NAT1: variants seen among roughly 807,000 people sequenced by gnomAD.
NAT1 encodes the protein N-acetyltransferase 1, also known as arylamine N-acetyltransferase 1.
For missense variants in NAT1, 400 were observed against 339.2 expected (o/e 1.18, Z -1.41); for synonymous variants, 144 against 122.6 (o/e 1.17, Z -1.16).
At chr8:18,201,773 A>G (rs1803474014) in intron 2 of NAT1, among the ~76,000 whole-genome samples, 1 of 152,138 alleles carries the variant, frequency 6.6e-6, no homozygotes, top group African/African-American at 2.4e-5. Flanking sequence ...CCTAGGATTC[A>G]GTGTGAAAAT....
rs780126469 is a variant in NAT1, at chr8:18,222,761, C to T, written c.714C>T (p.Thr238=). The T allele has an allele frequency of 1.9e-6, 3 of 1,613,726 alleles. No homozygotes were observed. Among genetic ancestry groups the T allele is most frequent in the Non-Finnish European group, 1.7e-6 (2 of 1,179,892 alleles). Residue 238 remains threonine, a synonymous_variant, in exon 3 of 3, where the codon ACC becomes ACT. Transcript: ENST00000307719. ...PDGVHCLVGF[T]LTHRRFNYKD... is the part of the protein sequence containing the mutation. ...GGGTTCACTGTTTGGTGGGCTTCAC[C>T]CTCACCCATAGGAGATTCAATTATA...
At chr8:18,213,585 C>T (rs1396373657) in intron 1 of NAT1, among the ~76,000 whole-genome samples, 13 of 152,104 alleles carry the variant, frequency 8.5e-5, no homozygotes, top group Non-Finnish European at 4.4e-5. Flanking sequence ...CTCACTCCTG[C>T]AAACATTTTA....
At chr8:18,178,718 G>C (rs17594166) in intron 2 of NAT1, among the ~76,000 whole-genome samples, 14,389 of 152,216 alleles carry the variant, frequency 0.095, 880 homozygotes, top group South Asian at 0.18. Context: ...AGAGAGGAAG[G>C]AGTAGATAAA....
chr8:18,181,762 T>C (rs1367127958), intron 2 of NAT1, among the ~76,000 whole-genome samples: 3 of 152,116 alleles, frequency 2.0e-5, no homozygotes, highest in African/African-American at 7.2e-5. Context: ...CCATATCCAG[T>C]TTGTTGAGAC....
chr8:18,203,348 GTAAAA>G (rs1803559062), intron 2 of NAT1, among the ~76,000 whole-genome samples: 1 of 152,132 alleles, frequency 6.6e-6, no homozygotes, highest in Non-Finnish European at 1.5e-5. Flanking sequence ...TACGTTGTTG[GTAAAA>G]TAAAATAGAA....
In NAT1 at chr8:18,176,329, G is replaced by A. The variant is rs561405133; in HGVS notation, n.92+5590G>A. ...TCCTCAATTTGATTTTCACAGTATTGAACATTAACTGTGTAGTGTCACAGT... is the reference window on the plus strand; with the variant it reads ...TCCTCAATTTGATTTTCACAGTATTAAACATTAACTGTGTAGTGTCACAGT... On this transcript the variant is annotated intron_variant and non_coding_transcript_variant, in intron 2 of 4. Transcript: ENST00000517441. Among the ~76,000 whole-genome samples the A allele has an allele frequency of 3.1e-3, 477 of 152,090 alleles. 2 individuals are homozygous for A. Among genetic ancestry groups the A allele is most frequent in the African/African-American group, 0.011 (451 of 41,520 alleles).
At position 18,189,604 on chromosome 8, in the gene NAT1, T is replaced by C. The variant is rs139801631; in HGVS notation, n.92+18865T>C. Among the ~76,000 whole-genome samples the C allele has an allele frequency of 9.9e-5, 15 of 152,284 alleles. No individual in the cohort carries two copies. In the East Asian group the frequency reaches 2.9e-3, roughly 29 times the overall value. The stretch of plus-strand genomic sequence containing the variant: ...GGGAAGTGATTATTTGAAAAGTTGA[T>C]CAGTTTTTATAGGTAGAAGGCTTTT... On this transcript the variant is annotated intron_variant and non_coding_transcript_variant, in intron 2 of 4. Transcript: ENST00000517441.
intron 1 of NAT1, among the ~76,000 whole-genome samples, chr8:18,214,848 C>G (rs933923143): frequency 1.3e-5 from 2 of 152,190 alleles, no homozygotes; most frequent in African/African-American, 2.4e-5. Flanking sequence ...CACCCTCCAA[C>G]CTGTGAAAGG....
At chr8:18,211,703 C>T (rs1429712655) in intron 1 of NAT1, among the ~76,000 whole-genome samples, 1 of 152,144 alleles carries the variant, frequency 6.6e-6, no homozygotes, top group Admixed American at 6.5e-5. Flanking sequence ...CCTTTTCATC[C>T]AGAGGCCCAG....
chr8:18,185,788 A>G (rs1802707874), intron 2 of NAT1, among the ~76,000 whole-genome samples: 1 of 152,096 alleles, frequency 6.6e-6, no homozygotes, highest in Middle Eastern at 3.2e-3. Flanking sequence ...ATTCATATAA[A>G]TGCATATAAA....
At chr8:18,186,665 A>G (rs1392563745) in intron 2 of NAT1, among the ~76,000 whole-genome samples, 1 of 152,024 alleles carries the variant, frequency 6.6e-6, no homozygotes, top group Non-Finnish European at 1.5e-5. Context: ...AATATCTTTT[A>G]TTATTCCTTT....
At chr8:18,181,059 T>C (rs1802491533) in intron 2 of NAT1, among the ~76,000 whole-genome samples, 1 of 152,144 alleles carries the variant, frequency 6.6e-6, no homozygotes, top group Non-Finnish European at 1.5e-5. Flanking sequence ...GGTATTTTGA[T>C]AGGAATGCAT....
chr8:18,182,241 G>T (rs929079734), intron 2 of NAT1, among the ~76,000 whole-genome samples: 1 of 152,158 alleles, frequency 6.6e-6, no homozygotes. Context: ...TGTGGGGGGT[G>T]ATTGACAGAA....
upstream of NAT1, among the ~76,000 whole-genome samples, chr8:18,206,710 G>A (rs547712283): frequency 3.3e-5 from 5 of 152,218 alleles, no homozygotes; most frequent in East Asian, 7.7e-4. Context: ...ATAGACGCTG[G>A]ATATTAGACC....
chr8:18,212,181 T>C (rs952805048), intron 1 of NAT1: 23 of 152,170 alleles, frequency 1.5e-4, no homozygotes, highest in African/African-American at 5.6e-4. Context: ...ATCAACCTGC[T>C]CTCCAGGGGT....
At chr8:18,197,439 G>A (rs1027514758) in intron 2 of NAT1, among the ~76,000 whole-genome samples, 1 of 152,170 alleles carries the variant, frequency 6.6e-6, no homozygotes, top group Admixed American at 6.5e-5. Context: ...GCAGACATCG[G>A]CAGTGTCTGG....
At chr8:18,214,056 G>C (rs368448572) in intron 1 of NAT1, among the ~76,000 whole-genome samples, 6 of 151,930 alleles carry the variant, frequency 3.9e-5, no homozygotes, top group African/African-American at 1.2e-4. Context: ...CTCGTGATCC[G>C]CCCGCCTCGG....
rs568497454 is a variant in NAT1 at position 18,186,262 on chromosome 8, A to G, written n.92+15523A>G. 1.4e-4 allele frequency among the ~76,000 whole-genome samples: 21 copies of G among 152,114 alleles called. No individual in the cohort carries two copies. The East Asian group carries it at 4.1e-3, about 29-fold the overall frequency. On this transcript the variant is annotated intron_variant and non_coding_transcript_variant, in intron 2 of 4. Transcript: ENST00000517441. ...CTACTTCTTCCCGTAGTTCTTTTTCATTTATCTTGATGTTTTACTGTATGA... is the reference window on the plus strand; with the variant it reads ...CTACTTCTTCCCGTAGTTCTTTTTCGTTTATCTTGATGTTTTACTGTATGA...
chr8:18,218,828 C>G lies in NAT1; in HGVS notation c.-85-583C>G, dbSNP rs75421285. On this transcript the variant is annotated intron_variant, in intron 1 of 2. Coordinates refer to ENST00000307719, the MANE Select transcript of NAT1 (RefSeq NM_000662.8). ...TTTCGGGGGTCCCACAATTTAATTT[C>G]CTTTCACAGACTCCTCAGTTTTCTT... Among the ~76,000 whole-genome samples, 656 of 152,170 alleles carry G rather than the reference C, an allele frequency of 4.3e-3. 34 individuals carry two copies. The East Asian group carries it at 0.11, about 25-fold the overall frequency.
Sources: gnomAD v4.1 joint callset for allele counts (sites outside exome capture counted in the v4.1 genomes callset) on GRCh38, gnomAD v4.1.1 for gene constraint, MANE v1.5 for transcripts, NCBI Gene and HGNC (gene_info 2026-07-23, HGNC 2026-07-21) for gene names.